KDM4C: variants seen among roughly 807,000 people sequenced by gnomAD.
KDM4C encodes lysine demethylase 4C.
A neutral mutation model predicts 129.3 loss-of-function variants in KDM4C; 81 were observed. The ratio of observed to expected loss-of-function variants is 0.63; its 90% CI spans 0.52 to 0.75. The LOEUF (loss-of-function observed/expected upper bound fraction) is 0.75. Among genes scored for constraint, KDM4C ranks in the 30% least tolerant of loss-of-function variants. The pLI, the probability that KDM4C is intolerant of heterozygous loss-of-function variation, is 0.00. For missense variants in KDM4C, 1,457 were observed against 1,304.0 expected (o/e 1.12, Z -1.81); for synonymous variants, 573 against 456.1 (o/e 1.26, Z -3.26).
chr9:6,984,444 G>C lies in KDM4C; in HGVS notation c.1354+40G>C, dbSNP rs1207299150. The C allele has an allele frequency of 3.8e-6, 5 of 1,308,092 alleles. No homozygotes were observed. In the South Asian group the frequency reaches 4.9e-5, roughly 13 times the overall value. The allele number at this position is 1,308,092 out of a possible 1,614,324, so 81.0% of individuals were successfully genotyped here. A position where few individuals can be genotyped will look rare whatever the true frequency, so the allele number is the denominator to read the frequency against. Reference sequence around the variant, plus strand: ...GATTAGGTTTCACATATAAGTAGTAGGTGGTTGATGATCAGATGTCTTAAA... The same window carrying C: ...GATTAGGTTTCACATATAAGTAGTACGTGGTTGATGATCAGATGTCTTAAA... On this transcript the variant is annotated intron_variant, in intron 10 of 21. Coordinates refer to ENST00000381309, the MANE Select transcript of KDM4C (RefSeq NM_015061.6).
rs142400588 is a variant in KDM4C at position 6,857,254 on chromosome 9, G to A, written c.629+7554G>A. 2.5e-4 allele frequency among the ~76,000 whole-genome samples: 38 copies of A among 152,234 alleles called. No individual in the cohort carries two copies. The East Asian group carries it at 6.0e-3, about 24-fold the overall frequency. ...TCGAAACCAACCTGGTTAACATAGG[G>A]ACACCCTGTATCTACCAAAAACAAA... On this transcript the variant is annotated intron_variant, in intron 5 of 21. Transcript: ENST00000381309.
At chr9:7,120,905 A>G (rs987942573) in intron 18 of KDM4C, among the ~76,000 whole-genome samples, 1 of 152,136 alleles carries the variant, frequency 6.6e-6, no homozygotes, top group Non-Finnish European at 1.5e-5. Flanking sequence ...GGGCTGGCTG[A>G]TATTTAAGGA....
chr9:6,868,018 A>T (rs1349043938), intron 5 of KDM4C, among the ~76,000 whole-genome samples: 2 of 152,190 alleles, frequency 1.3e-5, no homozygotes, highest in Non-Finnish European at 2.9e-5. Flanking sequence ...AACTTTCTAT[A>T]CATGAAAGTT....
At chr9:7,027,106 C>G (rs1825941572) in intron 15 of KDM4C, among the ~76,000 whole-genome samples, 1 of 151,982 alleles carries the variant, frequency 6.6e-6, no homozygotes, top group South Asian at 2.1e-4. Context: ...ATTTAGTTTA[C>G]TTGGTGAGAT....
intron 7 of KDM4C, among the ~76,000 whole-genome samples, chr9:6,889,211 T>TTTGTGTGTG: frequency 1.6e-5 from 1 of 61,616 alleles, no homozygotes; most frequent in East Asian, 5.9e-4. Context: ...GGCCTTCTTT[T>TTTGTGTGTG]TGTGTGTGTG....
chr9:6,738,739 C>A (rs1332126695), intron 1 of KDM4C, among the ~76,000 whole-genome samples: 1 of 152,008 alleles, frequency 6.6e-6, no homozygotes, highest in African/African-American at 2.4e-5. Context: ...GCCACCACGC[C>A]CAACTAATTT....
chr9:6,871,727 A>G (rs1460359790), intron 5 of KDM4C, among the ~76,000 whole-genome samples: 2 of 152,192 alleles, frequency 1.3e-5, no homozygotes, highest in Non-Finnish European at 2.9e-5. Flanking sequence ...TAACTGAGCA[A>G]TTGTGTCCCA....
chr9:6,909,889 A>T (rs1818961392), intron 8 of KDM4C, among the ~76,000 whole-genome samples: 1 of 152,214 alleles, frequency 6.6e-6, no homozygotes, highest in African/African-American at 2.4e-5. Context: ...GCGGCACATC[A>T]TTGGTGGACA....
intron 18 of KDM4C, among the ~76,000 whole-genome samples, chr9:7,116,604 A>G (rs759716617): frequency 2.0e-5 from 3 of 152,164 alleles, no homozygotes; most frequent in Admixed American, 6.5e-5. Flanking sequence ...AATCTGACAG[A>G]TGGATTTAGT....
chr9:7,026,335 A>G (rs1232365113), intron 15 of KDM4C, among the ~76,000 whole-genome samples: 2 of 151,716 alleles, frequency 1.3e-5, no homozygotes, highest in Non-Finnish European at 2.9e-5. Flanking sequence ...TTCAGAGGAT[A>G]TTTTCACCAG....
chr9:6,914,941 C>T (rs1820033028), intron 8 of KDM4C, among the ~76,000 whole-genome samples: 1 of 152,192 alleles, frequency 6.6e-6, no homozygotes. Context: ...GTTAAAGCTG[C>T]CCAAATGTAC....
chr9:6,736,862 C>T (rs924337149), intron 1 of KDM4C, among the ~76,000 whole-genome samples: 1 of 151,876 alleles, frequency 6.6e-6, no homozygotes, highest in Non-Finnish European at 1.5e-5. Context: ...ACCCGCCGGG[C>T]CACCATGGCC....
intron 17 of KDM4C, among the ~76,000 whole-genome samples, chr9:7,080,683 A>AG (rs1226819916): frequency 2.0e-5 from 3 of 152,138 alleles, no homozygotes; most frequent in Non-Finnish European, 4.4e-5. Context: ...CTGTCTCAAA[A>AG]TTTGACAAAA....
At chr9:6,800,273 A>T (rs979453613) in intron 2 of KDM4C, among the ~76,000 whole-genome samples, 1 of 152,120 alleles carries the variant, frequency 6.6e-6, no homozygotes, top group African/African-American at 2.4e-5. Flanking sequence ...AGGCTGGGAC[A>T]CGAGAATCAC....
chr9:7,159,919 C>G (rs912629471), intron 19 of KDM4C, among the ~76,000 whole-genome samples: 18 of 152,176 alleles, frequency 1.2e-4, no homozygotes, highest in Admixed American at 6.5e-4. Context: ...ACTATCCTGA[C>G]GAGTGTTTTC....
At chr9:6,970,606 G>C (rs904754636) in intron 8 of KDM4C, among the ~76,000 whole-genome samples, 1 of 152,168 alleles carries the variant, frequency 6.6e-6, no homozygotes, top group Admixed American at 6.5e-5. Flanking sequence ...TGAAGGAAAG[G>C]CTTGTAATTT....
At chr9:7,113,657 G>C (rs941927804) in intron 18 of KDM4C, among the ~76,000 whole-genome samples, 1 of 152,164 alleles carries the variant, frequency 6.6e-6, no homozygotes, top group African/African-American at 2.4e-5. Context: ...AGAGTTTAAC[G>C]TGATCTTGGA....
At chr9:6,926,915 T>C (rs564689152) in intron 8 of KDM4C, among the ~76,000 whole-genome samples, 1 of 152,324 alleles carries the variant, frequency 6.6e-6, no homozygotes, top group East Asian at 1.9e-4. Context: ...GTCGAAGCTA[T>C]TGGTAGATGC....
At chr9:6,894,746 T>G (rs1588976181) in intron 8 of KDM4C, among the ~76,000 whole-genome samples, 1 of 152,166 alleles carries the variant, frequency 6.6e-6, no homozygotes, top group Admixed American at 6.5e-5. Flanking sequence ...AGGCTGGTAG[T>G]GCTCCTCTCT....
Sources: gnomAD v4.1 joint callset for allele counts (sites outside exome capture counted in the v4.1 genomes callset) on GRCh38, gnomAD v4.1.1 for gene constraint, MANE v1.5 for transcripts, NCBI Gene and HGNC (gene_info 2026-07-23, HGNC 2026-07-21) for gene names.